The following PRKAR2A variants were observed in gnomAD, a reference collection of about 807,000 sequenced individuals.
PRKAR2A encodes the protein protein kinase cAMP-dependent type II regulatory subunit alpha.
PRKAR2A carries 29 observed loss-of-function variants against 51.9 expected under a neutral mutation model. The observed-to-expected ratio is 0.56, with a 90% confidence interval of 0.42 to 0.76. The LOEUF (loss-of-function observed/expected upper bound fraction) is 0.76, where lower values mean the gene tolerates loss of function less well. Among genes scored for constraint, PRKAR2A ranks in the 30% least tolerant of loss-of-function variants. The pLI is 0.00. For synonymous variants in PRKAR2A, 178 were observed against 186.2 expected (o/e 0.96, Z 0.36); for missense variants, 445 against 512.1 (o/e 0.87, Z 1.26).
At position 48,783,010 on chromosome 3, in the gene PRKAR2A, C is replaced by T. The variant is rs1021610775; in HGVS notation, c.518G>A (p.Gly173Glu). The change falls in exon 5 of 11, where the codon GGA (glycine) becomes GAA (glutamate). Residue 173 changes from glycine (G) to glutamate (E), a missense_variant. Coordinates refer to ENST00000265563, the MANE Select transcript of PRKAR2A (RefSeq NM_004157.4). The part of the protein sequence containing the change: ...DEHVIDQGDD[G>E]DNFYVIERGT... ...CCGTTCTATGACATAAAAGTTGTCT[C>T]CATCATCTCCTTGGTCAATGACATG... 5 of 1,613,004 alleles carry T rather than the reference C, an allele frequency of 3.1e-6. No individual in the cohort carries two copies. Among genetic ancestry groups the T allele is most frequent in the Non-Finnish European group, 4.2e-6 (5 of 1,179,094 alleles).
At chr3:48,763,197 C>A (rs1207974688) in intron 8 of PRKAR2A, among the ~76,000 whole-genome samples, 1 of 152,188 alleles carries the variant, frequency 6.6e-6, no homozygotes, top group African/African-American at 2.4e-5. Flanking sequence ...CCAGAACTTG[C>A]ATTCCTAACA....
chr3:48,779,432 A>G (rs1428456935), intron 5 of PRKAR2A, among the ~76,000 whole-genome samples: 1 of 152,116 alleles, frequency 6.6e-6, no homozygotes, highest in East Asian at 1.9e-4. Context: ...AGGGGAGTAC[A>G]CAGCAGGGCA....
chr3:48,775,299 C>T (rs868128530), intron 5 of PRKAR2A, among the ~76,000 whole-genome samples: 1 of 151,348 alleles, frequency 6.6e-6, no homozygotes, highest in Non-Finnish European at 1.5e-5. Flanking sequence ...ATTAGCTGGG[C>T]GGGTAGCGGG....
At chr3:48,835,584 G>A (rs1284551524) in intron 1 of PRKAR2A, among the ~76,000 whole-genome samples, 1 of 149,986 alleles carries the variant, frequency 6.7e-6, no homozygotes, top group Non-Finnish European at 1.5e-5. Context: ...AACTTGCAGT[G>A]AGCGGAGACT....
At chr3:48,844,954 C>T (rs1397533707) in intron 1 of PRKAR2A, among the ~76,000 whole-genome samples, 1 of 151,828 alleles carries the variant, frequency 6.6e-6, no homozygotes, top group African/African-American at 2.4e-5. Context: ...ACATTGTGCA[C>T]ATGTACCCTA....
In PRKAR2A at chr3:48,764,950, C is replaced by T; in HGVS notation, c.873+54G>A. ...AGAAGTTTTTGAGATAAATGATGTA[C>T]TAGTTCTTCAGGGGTGACTTCCAGG... On this transcript the variant is annotated intron_variant, in intron 8 of 10. Coordinates refer to ENST00000265563, the MANE Select transcript of PRKAR2A (RefSeq NM_004157.4). 15 of 1,491,576 alleles carry T rather than the reference C, an allele frequency of 1.0e-5. No individual in the cohort carries two copies. In the East Asian group the frequency reaches 3.2e-4, roughly 32 times the overall value. The allele number at this position is 1,491,576 out of a possible 1,614,324, so 92.4% of individuals were successfully genotyped here.
At chr3:48,828,708 C>CA (rs547132768) in intron 1 of PRKAR2A, among the ~76,000 whole-genome samples, 59,348 of 83,600 alleles carry the variant, frequency 0.71, 20,233 homozygotes, top group East Asian at 0.84. Flanking sequence ...CCCCTGTCTC[C>CA]AAAAAAAAAA....
At chr3:48,808,355 G>A (rs551024531) in intron 1 of PRKAR2A, among the ~76,000 whole-genome samples, 2 of 152,348 alleles carry the variant, frequency 1.3e-5, no homozygotes, top group South Asian at 4.1e-4. Flanking sequence ...CCGGCTTCAT[G>A]CCATTCTCCT....
intron 4 of PRKAR2A, among the ~76,000 whole-genome samples, chr3:48,790,316 T>C (rs923426358): frequency 6.6e-6 from 1 of 152,122 alleles, no homozygotes; most frequent in African/African-American, 2.4e-5. Context: ...ACTGAAACCC[T>C]GGAAAGCAAA....
At chr3:48,790,834 G>C (rs561857915) in intron 3 of PRKAR2A, among the ~76,000 whole-genome samples, 2 of 152,110 alleles carry the variant, frequency 1.3e-5, no homozygotes, top group Non-Finnish European at 1.5e-5. Flanking sequence ...GAAGCTACCT[G>C]CCGACTACAT....
intron 5 of PRKAR2A, among the ~76,000 whole-genome samples, chr3:48,778,261 G>A (rs922780828): frequency 6.6e-6 from 1 of 152,042 alleles, no homozygotes; most frequent in Admixed American, 6.6e-5. Context: ...AAAGTGCTGG[G>A]ATTACAGGTG....
chr3:48,817,548 G>T (rs1239906681), intron 1 of PRKAR2A, among the ~76,000 whole-genome samples: 3 of 151,596 alleles, frequency 2.0e-5, no homozygotes, highest in Non-Finnish European at 4.4e-5. Context: ...AGCTGAGGCT[G>T]AGGCAGGAGA....
intron 1 of PRKAR2A, among the ~76,000 whole-genome samples, chr3:48,832,804 T>C (rs1255994678): frequency 6.6e-6 from 1 of 152,206 alleles, no homozygotes; most frequent in Non-Finnish European, 1.5e-5. Flanking sequence ...GCTTTTTACT[T>C]GAGTAGGAAC....
At position 48,748,316 on chromosome 3, in the gene PRKAR2A, T is replaced by C. The variant is rs2081592875; in HGVS notation, c.*3269A>G. On this transcript the variant is annotated 3_prime_UTR_variant, in exon 11 of 11. Coordinates refer to ENST00000265563, the MANE Select transcript of PRKAR2A (RefSeq NM_004157.4). Reference sequence around the variant, plus strand: ...CTTTTTTTTTTTTTTTTTTTCTTGGTAGAGACAGGGTCTCCCTCTGTTGCC... The same window carrying C: ...CTTTTTTTTTTTTTTTTTTTCTTGGCAGAGACAGGGTCTCCCTCTGTTGCC... 3 of 147,438 alleles carry C rather than the reference T, an allele frequency of 2.0e-5. No homozygotes were observed. Among genetic ancestry groups the C allele is most frequent in the South Asian group, 2.2e-4 (1 of 4,638 alleles). 9.1% of individuals were successfully genotyped at this position (147,438 alleles called of 1,614,324 possible).
intron 1 of PRKAR2A, among the ~76,000 whole-genome samples, chr3:48,810,493 C>T (rs927621575): frequency 4.6e-5 from 7 of 152,094 alleles, no homozygotes; most frequent in African/African-American, 1.7e-4. Flanking sequence ...TAATGTAGTA[C>T]TTGACACAGC....
intron 8 of PRKAR2A, among the ~76,000 whole-genome samples, chr3:48,761,661 G>C (rs889522551): frequency 6.6e-6 from 1 of 152,148 alleles, no homozygotes; most frequent in Non-Finnish European, 1.5e-5. Flanking sequence ...CCCCAGGCTA[G>C]AATGCAAGTG....
At chr3:48,824,573 GAAAGAAAGAAAGAAA>G (rs2083027785) in intron 1 of PRKAR2A, among the ~76,000 whole-genome samples, 1 of 150,038 alleles carries the variant, frequency 6.7e-6, no homozygotes, top group Non-Finnish European at 1.5e-5. Flanking sequence ...AAGAAAGAAA[GAAAGAAAGAAAGAAA>G]GAAAGAAAGA....
chr3:48,825,163 G>A (rs1053328691), intron 1 of PRKAR2A, among the ~76,000 whole-genome samples: 2 of 147,826 alleles, frequency 1.4e-5, no homozygotes, highest in South Asian at 2.2e-4. Context: ...AGCCTCCCAA[G>A]TAGCTGGGAT....
intron 10 of PRKAR2A, 41 bp downstream of exon 10, chr3:48,752,135 T>C: frequency 1.3e-6 from 2 of 1,593,586 alleles, no homozygotes; most frequent in Non-Finnish European, 1.7e-6. Flanking sequence ...AAATATTACA[T>C]GTTAGAAAAA....
Sources: allele counts gnomAD v4.1 joint callset (sites outside exome capture counted in the v4.1 genomes callset), GRCh38; gene constraint gnomAD v4.1.1; transcripts MANE v1.5; gene names NCBI Gene and HGNC (gene_info 2026-07-23, HGNC 2026-07-21).